The following ZNF274 variants were observed in gnomAD, a reference collection of about 807,000 sequenced individuals.
The protein encoded by ZNF274 is neurotrophin receptor-interacting factor homolog.
ZNF274 carries 23 observed loss-of-function variants against 42.5 expected under a neutral mutation model. That is an observed-to-expected ratio of 0.54 (90% confidence interval 0.39 to 0.77). The LOEUF (loss-of-function observed/expected upper bound fraction) is 0.77. ZNF274 is among the 30% of genes least tolerant of loss of function. The pLI is 0.00. For missense variants in ZNF274, 679 were observed against 806.5 expected (o/e 0.84, Z 1.91); for synonymous variants, 292 against 305.4 (o/e 0.96, Z 0.46).
chr19:58,199,572 CTT>C (rs1227534472), intron 4 of ZNF274, among the ~76,000 whole-genome samples: 1 of 151,958 alleles, frequency 6.6e-6, no homozygotes, highest in Admixed American at 6.6e-5. Flanking sequence ...AATACAAAAA[CTT>C]AGCCGGGCGT....
In ZNF274 at chr19:58,208,129, T is replaced by C. The variant is rs1030564801; in HGVS notation, c.739+927T>C. 1.3e-5 allele frequency: 2 copies of C among 152,296 alleles called. No individual in the cohort carries two copies. Among genetic ancestry groups the C allele is most frequent in the Admixed American group, 1.3e-4 (2 of 15,286 alleles). 9.4% of individuals were successfully genotyped at this position (152,296 alleles called of 1,614,324 possible). A position where few individuals can be genotyped will look rare whatever the true frequency, so the allele number is the denominator to read the frequency against. ...CAGGCTGAGTTTCACAGAGCGTGCA[T>C]GCTTCTGCATTGCTCACCTCCATTT... On this transcript the variant is annotated intron_variant, in intron 5 of 7. Transcript: ENST00000617501. This position sits in a 1 kb window ranked among gnomAD's most constrained non-coding sequence, Gnocchi z 4.5.
At chr19:58,201,500 C>T (rs959352750) in intron 4 of ZNF274, among the ~76,000 whole-genome samples, 1 of 146,886 alleles carries the variant, frequency 6.8e-6, no homozygotes, top group Non-Finnish European at 1.5e-5. Flanking sequence ...CCTAGCCTAT[C>T]CCAGCATGAA....
At chr19:58,201,470 C>T (rs981655770) in intron 4 of ZNF274, among the ~76,000 whole-genome samples, 2 of 151,862 alleles carry the variant, frequency 1.3e-5, no homozygotes, top group South Asian at 4.2e-4. Flanking sequence ...ATCATCCACT[C>T]TGCAACCCTG....
At chr19:58,210,119 A>G in intron 6 of ZNF274, 46 bp downstream of exon 6, 1 of 1,530,796 alleles carries the variant, frequency 6.5e-7, no homozygotes, top group South Asian at 1.2e-5. Flanking sequence ...ATCTCCTGTG[A>G]GGCAGGCCCA....
chr19:58,188,521 G>C (rs2075727419), intron 4 of ZNF274, among the ~76,000 whole-genome samples: 1 of 150,104 alleles, frequency 6.7e-6, no homozygotes. Context: ...GGGAGGCTGA[G>C]GCAGGAGAAT....
In ZNF274 at chr19:58,213,284, A is replaced by G. The variant is rs1304297202; in HGVS notation, c.*141A>G. ...TCCCAAAACCAAAGGACAACTGAGG[A>G]GACTGCCCAGCACATAATGAATAAA... On this transcript the variant is annotated 3_prime_UTR_variant, in exon 8 of 8. Coordinates refer to ENST00000617501, the MANE Select transcript of ZNF274 (RefSeq NM_133502.3). The G allele has an allele frequency of 1.4e-5, 15 of 1,049,378 alleles. No individual in the cohort carries two copies. Among genetic ancestry groups the G allele is most frequent in the Non-Finnish European group, 1.7e-5 (13 of 751,842 alleles). The allele number at this position is 1,049,378 out of a possible 1,614,324, so 65.0% of individuals were successfully genotyped here.
In ZNF274 at chr19:58,183,983, G is replaced by A. The variant is rs764793953; in HGVS notation, c.18G>A (p.Pro6=). Residue 6 remains proline, a synonymous_variant, in exon 2 of 8, where the codon CCG becomes CCA. Coordinates refer to ENST00000617501, the MANE Select transcript of ZNF274 (RefSeq NM_133502.3). Reference sequence around the variant, plus strand: ...AGGAAACTATGGCCTCCAGGCTTCCGACGGCCTGGTCCTGTGTGAGTAGAG... The same window carrying A: ...AGGAAACTATGGCCTCCAGGCTTCCAACGGCCTGGTCCTGTGTGAGTAGAG... The part of the protein sequence containing the change: MASRL[P]TAWSCEPVTF... 4.4e-5 allele frequency: 70 copies of A among 1,595,954 alleles called. No homozygotes were observed. The highest frequency in any genetic ancestry group is 5.7e-5 in the Non-Finnish European group (67 of 1,171,136).
Position 58,212,938 on chromosome 19 carries a change from C to G in ZNF274, c.1757C>G (p.Thr586Ser), listed in dbSNP as rs369260544. Residue 586 changes from threonine (T) to serine (S), a missense_variant, in exon 8 of 8, where the codon ACT (threonine) becomes AGT (serine). This residue lies in a region of ZNF274 where 456 missense variants were observed against 590.1 expected (regional missense o/e 0.77). Coordinates refer to ENST00000617501, the MANE Select transcript of ZNF274 (RefSeq NM_133502.3). The surrounding 1 kb of genome is among the most constrained non-coding windows in gnomAD (Gnocchi z 4.6). ...SAISQHLRTH[T>S]GAKPYKCQDC... ...ATCTCCCAGCACCTGAGGACTCACA[C>G]TGGCGCTAAGCCCTACAAGTGTCAG... The G allele has an allele frequency of 3.7e-6, 6 of 1,613,916 alleles. No homozygotes were observed. The highest frequency in any genetic ancestry group is 1.6e-4 in the Middle Eastern group (1 of 6,084).
intron 4 of ZNF274, among the ~76,000 whole-genome samples, chr19:58,190,080 G>A (rs1031063058): frequency 1.4e-5 from 2 of 147,618 alleles, no homozygotes; most frequent in African/African-American, 5.0e-5. Flanking sequence ...CCCAGACTGC[G>A]CCACTGCACT....
chr19:58,211,320 G>T lies in ZNF274; in HGVS notation c.853-240G>T. On this transcript the variant is annotated intron_variant, in intron 6 of 7. Coordinates refer to ENST00000617501, the MANE Select transcript of ZNF274 (RefSeq NM_133502.3). The surrounding 1 kb of genome is among the most constrained non-coding windows in gnomAD (Gnocchi z 4.8). ...GTGGTTAGGATGGAGTTGTTTGCTT[G>T]TTGCACTTGGAGCTCTTTATGAAGC... 18 of 396,478 alleles carry T rather than the reference G, an allele frequency of 4.5e-5. No homozygotes were observed. Among genetic ancestry groups the T allele is most frequent in the East Asian group, 1.6e-4 (4 of 25,140 alleles). 24.6% of individuals were successfully genotyped at this position (396,478 alleles called of 1,614,324 possible). A position where few individuals can be genotyped will look rare whatever the true frequency, so the allele number is the denominator to read the frequency against.
chr19:58,206,972 A>G lies in ZNF274; in HGVS notation c.509A>G (p.Lys170Arg), dbSNP rs759412520. Residue 170 changes from lysine to arginine, a missense_variant, in exon 5 of 8, where the codon AAG becomes AGG. Physicochemically the swap from Lys to Arg is conservative, Grantham distance 26. Coordinates refer to ENST00000617501, the MANE Select transcript of ZNF274 (RefSeq NM_133502.3). ...ARQRFRQFRY[K>R]DMTGPREALD... ...CAGAGGTTCCGGCAGTTCCGTTATAAGGACATGACAGGTCCCCGGGAGGCC... is the reference window on the plus strand; with the variant it reads ...CAGAGGTTCCGGCAGTTCCGTTATAGGGACATGACAGGTCCCCGGGAGGCC... The G allele has an allele frequency of 1.2e-5, 19 of 1,609,778 alleles. No individual in the cohort carries two copies. In the Admixed American group the frequency reaches 2.4e-4, roughly 20 times the overall value.
chr19:58,204,091 G>A lies in ZNF274; in HGVS notation c.257-2629G>A, dbSNP rs528884683. ...ACCAGGGTTTGTACTCGAGGAACGG[G>A]AGAGGGGAGGGGTTGGGAGCCGTCT... On this transcript the variant is annotated intron_variant, in intron 4 of 7. Coordinates refer to ENST00000617501, the MANE Select transcript of ZNF274 (RefSeq NM_133502.3). Among the ~76,000 whole-genome samples the A allele has an allele frequency of 8.3e-4, 126 of 152,326 alleles. 1 individual carries two copies. The South Asian group carries it at 0.016, about 19-fold the overall frequency.
At position 58,189,284 on chromosome 19, in the gene ZNF274, A is replaced by G. The variant is rs1471300590; in HGVS notation, c.256+2242A>G. Among the ~76,000 whole-genome samples the G allele has an allele frequency of 3.3e-5, 5 of 152,208 alleles. No individual in the cohort carries two copies. In the South Asian group the frequency reaches 6.2e-4, roughly 19 times the overall value. ...TCTTTGTTTCTGTTTTAGATTCTGT[A>G]TCATATATAGGTAGATTATCCAAAC... On this transcript the variant is annotated intron_variant, in intron 4 of 7. Transcript: ENST00000617501.
rs866394616 is a variant in ZNF274, at chr19:58,183,941, G to C, written c.-25G>C. The C allele has an allele frequency of 6.3e-7, 1 of 1,588,404 alleles. No individual in the cohort carries two copies. The highest frequency in any genetic ancestry group is 8.6e-7 in the Non-Finnish European group (1 of 1,167,294). On this transcript the variant is annotated 5_prime_UTR_variant, in exon 2 of 8. Coordinates refer to ENST00000617501, the MANE Select transcript of ZNF274 (RefSeq NM_133502.3). ...CTCAGGACTCTGCCCACTTCCACCA[G>C]AGACACATTGAGAAGGAGGAAACTA...
Position 58,212,255 on chromosome 19 carries a change from A to C in ZNF274, c.1074A>C (p.Ser358=). The C allele has an allele frequency of 6.2e-7, 1 of 1,613,894 alleles. No individual in the cohort carries two copies. The highest frequency in any genetic ancestry group is 8.5e-7 in the Non-Finnish European group (1 of 1,179,890). The change falls in exon 8 of 8, where the codon TCA becomes TCC. Residue 358 remains serine, a synonymous_variant. Transcript: ENST00000617501. The surrounding 1 kb of genome is among the most constrained non-coding windows in gnomAD (Gnocchi z 4.6). Reference sequence around the variant, plus strand: ...CCAGCCTGAAAGTACAAGAATCCTCAAGGGATTGTGCCTTGTCCTCTACAT... The same window carrying C: ...CCAGCCTGAAAGTACAAGAATCCTCCAGGGATTGTGCCTTGTCCTCTACAT... ...PAPSLKVQES[S]RDCALSSTLE...
At chr19:58,204,190 A>G (rs929378496) in intron 4 of ZNF274, among the ~76,000 whole-genome samples, 2 of 152,078 alleles carry the variant, frequency 1.3e-5, no homozygotes, top group South Asian at 4.1e-4. Flanking sequence ...GCAGGCGTGG[A>G]AACTCCTGCC....
intron 4 of ZNF274, among the ~76,000 whole-genome samples, chr19:58,188,616 A>AT (rs2075730378): frequency 1.6e-4 from 10 of 60,694 alleles, no homozygotes; most frequent in African/African-American, 2.4e-4. Flanking sequence ...AAAAAAAAAA[A>AT]AAAAATATAT....
In ZNF274 at chr19:58,212,538, C is replaced by T. The variant is rs757676940; in HGVS notation, c.1357C>T (p.Arg453Cys). The change falls in exon 8 of 8, where the codon CGT (arginine) becomes TGT (cysteine). Residue 453 changes from arginine (R) to cysteine (C), a missense_variant. By Grantham distance (180) the Arg-to-Cys change is radical. Transcript: ENST00000617501. This position sits in a 1 kb window ranked among gnomAD's most constrained non-coding sequence, Gnocchi z 4.6. ...KIPPRKRLRK[R>C]DSQVKSMKHN... ...TCCTCCTAGAAAACGATTGCGCAAA[C>T]GTGACTCACAAGTTAAAAGTATGAA... 63 of 1,613,776 alleles carry T rather than the reference C, an allele frequency of 3.9e-5. No homozygotes were observed. The highest frequency in any genetic ancestry group is 4.8e-5 in the Non-Finnish European group (57 of 1,179,902).
Position 58,212,757 on chromosome 19 carries a change from A to G in ZNF274, c.1576A>G (p.Lys526Glu). Residue 526 changes from lysine to glutamate, a missense_variant, in exon 8 of 8, where the codon AAG becomes GAG. Transcript: ENST00000617501. The surrounding 1 kb of genome is among the most constrained non-coding windows in gnomAD (Gnocchi z 4.6). ...GAACCCAAGATACTTTTCTGTGCAT[A>G]AGAAAATCCATACCGGAGAGAGGCC... ...FRNPRYFSVH[K>E]KIHTGERPYV... The G allele has an allele frequency of 6.2e-7, 1 of 1,614,052 alleles. No homozygotes were observed. The highest frequency in any genetic ancestry group is 8.5e-7 in the Non-Finnish European group (1 of 1,179,912).
Sources: allele counts gnomAD v4.1 joint callset (sites outside exome capture counted in the v4.1 genomes callset), GRCh38; gene constraint gnomAD v4.1.1; regional missense constraint gnomAD v4.1.1; non-coding constraint Gnocchi (gnomAD v3.1); transcripts MANE v1.5; gene names NCBI Gene and HGNC (gene_info 2026-07-23, HGNC 2026-07-21).